Variants in DZANK1 observed in about 807,000 individuals in gnomAD.
DZANK1 encodes the protein double zinc ribbon and ankyrin repeat domains 1, also known as double zinc ribbon and ankyrin repeat-containing protein 1.
A neutral mutation model predicts 94.5 loss-of-function variants in DZANK1; 91 were observed. That is an observed-to-expected ratio of 0.96 (90% CI 0.81 to 1.15). The LOEUF (loss-of-function observed/expected upper bound fraction) is 1.15, where lower values mean the gene tolerates loss of function less well. Among genes scored for constraint, DZANK1 ranks in the 50% most tolerant of loss-of-function variants. The pLI is 0.00. For synonymous variants in DZANK1, 312 were observed against 325.3 expected (o/e 0.96, Z 0.44); for missense variants, 903 against 916.4 (o/e 0.99, Z 0.19).
rs1043429421 is a variant in DZANK1 at position 18,415,564 on chromosome 20, T to TG, written c.955-116_955-115insC. The TG allele has an allele frequency of 9.9e-6, 12 of 1,214,174 alleles. No homozygotes were observed. In the Admixed American group the frequency reaches 1.2e-4, roughly 13 times the overall value. The allele number at this position is 1,214,174 out of a possible 1,614,324, so 75.2% of individuals were successfully genotyped here. On this transcript the variant is annotated intron_variant, in intron 10 of 20. Transcript: ENST00000262547. Reference sequence around the variant, plus strand: ...AAGATGAGCCCCGGAAATAGTGTTTTTTTTGTTTTGTTTTGTTTTGTTTTT... The same window carrying TG: ...AAGATGAGCCCCGGAAATAGTGTTTTGTTTTGTTTTGTTTTGTTTTGTTTTT...
intron 10 of DZANK1, chr20:18,420,588 A>T: frequency 4.4e-6 from 1 of 229,404 alleles, no homozygotes; most frequent in Non-Finnish European, 9.2e-6. Flanking sequence ...ACCACAAAAT[A>T]GGCACTGCCT....
At chr20:18,395,958 T>C (rs1344962942) in intron 15 of DZANK1, among the ~76,000 whole-genome samples, 1 of 152,210 alleles carries the variant, frequency 6.6e-6, no homozygotes, top group Non-Finnish European at 1.5e-5. Flanking sequence ...TAAATGTTAA[T>C]TTCCCTCCTT....
In DZANK1 at chr20:18,392,223, A is replaced by G. The variant is rs16979036; in HGVS notation, c.1809+1488T>C. On this transcript the variant is annotated intron_variant, in intron 17 of 20. Transcript: ENST00000262547. The stretch of plus-strand genomic sequence containing the variant: ...TAAGCTGTTCAGTTTATGGAACTCT[A>G]TGCTTTTATACCCAATAACAATATT... Among the ~76,000 whole-genome samples the G allele has an allele frequency of 6.1e-3, 928 of 152,374 alleles. 8 individuals carry two copies. The highest frequency in any genetic ancestry group is 0.047 in the South Asian group (229 of 4,832).
intron 1 of DZANK1, among the ~76,000 whole-genome samples, chr20:18,466,103 C>T (rs1203312389): frequency 6.6e-6 from 1 of 152,178 alleles, no homozygotes; most frequent in Non-Finnish European, 1.5e-5. Context: ...ATAATTAATG[C>T]ACAGAAGGTT....
In DZANK1 at chr20:18,425,605, T is replaced by C. The variant is rs114995195; in HGVS notation, c.954+1462A>G. Among the ~76,000 whole-genome samples the C allele has an allele frequency of 7.9e-3, 1,203 of 152,062 alleles. 15 individuals are homozygous for C. The highest frequency in any genetic ancestry group is 0.027 in the African/African-American group (1,120 of 41,454). On this transcript the variant is annotated intron_variant, in intron 10 of 20. Coordinates refer to ENST00000262547, the Ensembl canonical transcript of DZANK1. ...CTCCACTGCTATAGGTTGAATTCTGTCTGCCCAGAAAAAGATAAGTTGAAG... is the reference window on the plus strand; with the variant it reads ...CTCCACTGCTATAGGTTGAATTCTGCCTGCCCAGAAAAAGATAAGTTGAAG...
At chr20:18,433,913 T>TTTG in intron 8 of DZANK1, 148 bp from the exon 9 acceptor site, 1 of 620,154 alleles carries the variant, frequency 1.6e-6, no homozygotes, top group Non-Finnish European at 2.8e-6. Context: ...CGGGCTTGGT[T>TTTG]AGTACTTGGT....
At chr20:18,394,393 CT>C in intron 15 of DZANK1, 43 bp from the exon 16 acceptor site, 1 of 1,564,766 alleles carries the variant, frequency 6.4e-7, no homozygotes. Flanking sequence ...GATGAGGCTG[CT>C]TTGTCCCACT....
In DZANK1 at chr20:18,443,396, G is replaced by A. The variant is rs201401340; in HGVS notation, c.698C>T (p.Pro233Leu). Residue 233 changes from proline to leucine, a missense_variant, in exon 8 of 21, where the codon CCT becomes CTT. Physicochemically the swap from Pro to Leu is moderately conservative, Grantham distance 98 (BLOSUM62 -3). Coordinates refer to ENST00000262547, the Ensembl canonical transcript of DZANK1. ...ACGACAGCCAAATATGGGTGGGACA[G>A]GAGAGCCACATTCTTGACAGAAGCG... is the stretch of plus-strand genomic sequence containing the variant. 1.7e-4 allele frequency: 256 copies of A among 1,546,878 alleles called. No homozygotes were observed. In the African/African-American group the frequency reaches 3.2e-3, roughly 19 times the overall value.
chr20:18,387,904 A>G (rs1255586475), intron 19 of DZANK1, among the ~76,000 whole-genome samples: 2 of 152,222 alleles, frequency 1.3e-5, no homozygotes, highest in Admixed American at 1.3e-4. Flanking sequence ...GCTAAGGAAC[A>G]ACTCGCTGAG....
chr20:18,388,383 G>A (rs547668997), intron 19 of DZANK1, among the ~76,000 whole-genome samples: 2 of 152,180 alleles, frequency 1.3e-5, no homozygotes, highest in Non-Finnish European at 2.9e-5. Flanking sequence ...GGAAGCTGAG[G>A]CACAGCAAAA....
chr20:18,429,001 T>C (rs2058174756), intron 9 of DZANK1, among the ~76,000 whole-genome samples: 1 of 152,318 alleles, frequency 6.6e-6, no homozygotes. Flanking sequence ...CTCTCAATGG[T>C]TCCTGACACT....
intron 8 of DZANK1, among the ~76,000 whole-genome samples, chr20:18,438,435 C>A (rs1326222392): frequency 1.3e-5 from 2 of 152,014 alleles, no homozygotes; most frequent in Non-Finnish European, 2.9e-5. Flanking sequence ...TACATGCTGT[C>A]TACTAGAAAC....
chr20:18,415,584 G>T, intron 10 of DZANK1, 135 bp from the exon 11 acceptor site: 2 of 1,079,902 alleles, frequency 1.9e-6, no homozygotes, highest in Non-Finnish European at 2.4e-6. Flanking sequence ...GTTTTGTTTT[G>T]TTTTTTTCCC....
chr20:18,438,116 G>A (rs1601034237), intron 8 of DZANK1, among the ~76,000 whole-genome samples: 1 of 151,104 alleles, frequency 6.6e-6, no homozygotes, highest in East Asian at 2.0e-4. Flanking sequence ...CTACTCGGGA[G>A]GCTGAGGCAG....
chr20:18,458,220 C>G (rs2059353854), intron 3 of DZANK1, among the ~76,000 whole-genome samples: 1 of 152,170 alleles, frequency 6.6e-6, no homozygotes, highest in Non-Finnish European at 1.5e-5. Flanking sequence ...TTTTATATTT[C>G]TTAAAATTTT....
At chr20:18,426,300 C>T (rs2058041677) in intron 10 of DZANK1, among the ~76,000 whole-genome samples, 1 of 152,158 alleles carries the variant, frequency 6.6e-6, no homozygotes, top group Non-Finnish European at 1.5e-5. Flanking sequence ...AATCCATCCC[C>T]CAACCAGGTC....
rs150130305 is a variant in DZANK1 at position 18,408,044 on chromosome 20, G to A, written c.1432+4602C>T. On this transcript the variant is annotated intron_variant, in intron 13 of 20. Transcript: ENST00000262547. ...AAAGGGATAGTATCAGGCCAGATGC[G>A]GTGGCTCACACCTGTAATCCCAGCA... Among the ~76,000 whole-genome samples, 1,253 of 152,276 alleles carry A rather than the reference G, an allele frequency of 8.2e-3. 16 individuals carry two copies. The highest frequency in any genetic ancestry group is 0.027 in the African/African-American group (1,131 of 41,552).
Position 18,433,997 on chromosome 20 carries a change from T to C in DZANK1, c.748-232A>G, listed in dbSNP as rs140022401. On this transcript the variant is annotated intron_variant, in intron 8 of 20. Transcript: ENST00000262547. Reference sequence around the variant, plus strand: ...ATTACCTTTATGATGGATATGCTAATTACTCTGATTTGACCACTACACATT... The same window carrying C: ...ATTACCTTTATGATGGATATGCTAACTACTCTGATTTGACCACTACACATT... The C allele has an allele frequency of 2.0e-3, 935 of 476,948 alleles. 9 individuals carry two copies. Among genetic ancestry groups the C allele is most frequent in the African/African-American group, 0.017 (871 of 51,852 alleles). 29.5% of individuals were successfully genotyped at this position (476,948 alleles called of 1,614,324 possible).
At chr20:18,430,537 A>C (rs926967273) in intron 9 of DZANK1, among the ~76,000 whole-genome samples, 10 of 152,374 alleles carry the variant, frequency 6.6e-5, no homozygotes, top group Admixed American at 1.3e-4. Context: ...AATGGAGGCC[A>C]GGTGCGGTGG....
Sources: allele counts gnomAD v4.1 joint callset (sites outside exome capture counted in the v4.1 genomes callset), GRCh38; gene constraint gnomAD v4.1.1; transcripts MANE v1.5; gene names NCBI Gene and HGNC (gene_info 2026-07-23, HGNC 2026-07-21).